NRXN3: variants seen among roughly 807,000 people sequenced by gnomAD.
NRXN3 encodes neurexin 3, also known as neurexin III.
A neutral mutation model predicts 137.6 loss-of-function variants in NRXN3; 32 were observed. The observed-to-expected ratio is 0.23, with a 90% CI of 0.18 to 0.31. The LOEUF (loss-of-function observed/expected upper bound fraction) is 0.31, where lower values mean the gene tolerates loss of function less well. NRXN3 is among the 10% of genes least tolerant of loss of function. The pLI is 1.00. For synonymous variants in NRXN3, 798 were observed against 784.5 expected (o/e 1.02, Z -0.29); for missense variants, 1,574 against 2,062.5 (o/e 0.76, Z 4.59).
chr14:79,403,103 C>T (rs563007132), intron 15 of NRXN3, among the ~76,000 whole-genome samples: 3 of 152,150 alleles, frequency 2.0e-5, no homozygotes, highest in African/African-American at 7.2e-5. Flanking sequence ...AATTGGAAAA[C>T]CATAGGCTAT....
chr14:78,699,309 G>A (rs2098257428), intron 6 of NRXN3, among the ~76,000 whole-genome samples: 2 of 152,216 alleles, frequency 1.3e-5, no homozygotes, highest in African/African-American at 4.8e-5. Flanking sequence ...ATCCAGGCAA[G>A]ATTTATCCCT....
At chr14:78,594,376 C>T (rs1423297341) in intron 4 of NRXN3, among the ~76,000 whole-genome samples, 1 of 152,064 alleles carries the variant, frequency 6.6e-6, no homozygotes, top group Non-Finnish European at 1.5e-5. Context: ...GTTCTCTGTC[C>T]CTGAACACAC....
At chr14:78,998,071 AGCAGTCT>A (rs2099533639) in intron 15 of NRXN3, among the ~76,000 whole-genome samples, 1 of 152,148 alleles carries the variant, frequency 6.6e-6, no homozygotes, top group African/African-American at 2.4e-5. Flanking sequence ...AGTAAGCTGG[AGCAGTCT>A]TAAATCTCAC....
intron 16 of NRXN3, among the ~76,000 whole-genome samples, chr14:79,519,429 A>G (rs750889539): frequency 9.2e-5 from 14 of 151,980 alleles, no homozygotes; most frequent in Non-Finnish European, 1.8e-4. Flanking sequence ...CCCTATATGA[A>G]TTGGCCCTTT....
In NRXN3 at chr14:78,284,152, G is replaced by A. The variant is rs548283153; in HGVS notation, c.727+5490G>A. On this transcript the variant is annotated intron_variant, in intron 3 of 20. Coordinates refer to ENST00000335750, the MANE Select transcript of NRXN3 (RefSeq NM_001330195.2). ...CCAAATCACTAAAGGGAAAAGTCAA[G>A]CTGGGAACTGCTTAGGGGAAACCTG... Among the ~76,000 whole-genome samples, 9 of 152,296 alleles carry A rather than the reference G, an allele frequency of 5.9e-5. No individual in the cohort carries two copies. The South Asian group carries it at 1.7e-3, about 28-fold the overall frequency.
intron 4 of NRXN3, among the ~76,000 whole-genome samples, chr14:78,543,550 C>G (rs1458250664): frequency 6.6e-6 from 1 of 152,020 alleles, no homozygotes; most frequent in Non-Finnish European, 1.5e-5. Flanking sequence ...TAGCATCTCT[C>G]TTGGTGGGGG....
At chr14:79,533,167 T>C (rs1241687142) in intron 16 of NRXN3, among the ~76,000 whole-genome samples, 2 of 152,170 alleles carry the variant, frequency 1.3e-5, no homozygotes, top group Non-Finnish European at 2.9e-5. Flanking sequence ...TGAAATGATA[T>C]TGTTTTTATA....
chr14:79,776,895 T>TTTA (rs1344205154), intron 19 of NRXN3, among the ~76,000 whole-genome samples: 3 of 152,216 alleles, frequency 2.0e-5, no homozygotes, highest in Non-Finnish European at 4.4e-5. Flanking sequence ...ATTTGGTTGT[T>TTTA]CATCTGATTC....
intron 14 of NRXN3, among the ~76,000 whole-genome samples, 193 bp from the exon 15 acceptor site, chr14:78,987,829 G>A (rs1472802112): frequency 6.6e-6 from 1 of 152,184 alleles, no homozygotes; most frequent in Non-Finnish European, 1.5e-5. Context: ...TTGTGGCTAA[G>A]TGTGTATTTC....
chr14:78,923,378 A>C (rs1469340868), intron 10 of NRXN3, among the ~76,000 whole-genome samples: 2 of 152,254 alleles, frequency 1.3e-5, no homozygotes, highest in South Asian at 4.1e-4. Context: ...TCGATGCACT[A>C]AACATAACAG....
At chr14:78,889,460 T>C (rs2099152977) in intron 10 of NRXN3, among the ~76,000 whole-genome samples, 1 of 152,040 alleles carries the variant, frequency 6.6e-6, no homozygotes, top group African/African-American at 2.4e-5. Context: ...GCATCCCTGA[T>C]TTTGATATTA....
At chr14:78,734,166 T>C (rs1392454151) in intron 8 of NRXN3, among the ~76,000 whole-genome samples, 1 of 151,004 alleles carries the variant, frequency 6.6e-6, no homozygotes, top group Non-Finnish European at 1.5e-5. Flanking sequence ...GTGAAAAACA[T>C]GTAGGTTTAA....
chr14:78,553,817 A>T (rs12100603), intron 4 of NRXN3, among the ~76,000 whole-genome samples: 1 of 152,002 alleles, frequency 6.6e-6, no homozygotes, highest in Admixed American at 6.5e-5. Context: ...TCATGGTTCC[A>T]AATAATCCCC....
intron 16 of NRXN3, chr14:79,632,193 A>T (rs901962022): frequency 6.5e-6 from 1 of 154,496 alleles, no homozygotes; most frequent in African/African-American, 2.4e-5. Flanking sequence ...CCACGAATCC[A>T]CCAGAAGGAA....
At chr14:79,331,758 A>C (rs921660333) in intron 15 of NRXN3, among the ~76,000 whole-genome samples, 27 of 152,134 alleles carry the variant, frequency 1.8e-4, no homozygotes, top group African/African-American at 6.3e-4. Flanking sequence ...CTGATTCTCT[A>C]TCAAGACATA....
At chr14:79,098,094 T>G (rs996039460) in intron 15 of NRXN3, among the ~76,000 whole-genome samples, 2 of 152,116 alleles carry the variant, frequency 1.3e-5, no homozygotes, top group Non-Finnish European at 2.9e-5. Context: ...CTTTGAAAAG[T>G]CACTTGGGAA....
intron 15 of NRXN3, among the ~76,000 whole-genome samples, chr14:79,430,377 C>T (rs2095730169): frequency 6.6e-6 from 1 of 152,108 alleles, no homozygotes; most frequent in Non-Finnish European, 1.5e-5. Context: ...TGTTGAATCT[C>T]CCTCCTTAGA....
chr14:79,471,167 A>G (rs541854299), intron 16 of NRXN3, among the ~76,000 whole-genome samples: 1 of 152,234 alleles, frequency 6.6e-6, no homozygotes, highest in South Asian at 2.1e-4. Flanking sequence ...TCTTCCAAGA[A>G]CACTAGAGAG....
At chr14:78,400,384 CTT>C (rs1352000901) in intron 4 of NRXN3, among the ~76,000 whole-genome samples, 4 of 152,212 alleles carry the variant, frequency 2.6e-5, no homozygotes, top group Non-Finnish European at 4.4e-5. Context: ...ACTTTTAAGA[CTT>C]AAACCAACCA....
Sources: allele counts gnomAD v4.1 joint callset (sites outside exome capture counted in the v4.1 genomes callset), GRCh38; gene constraint gnomAD v4.1.1; transcripts MANE v1.5; gene names NCBI Gene and HGNC (gene_info 2026-07-23, HGNC 2026-07-21).